The following UGT1A5 variants were observed in gnomAD, a reference collection of about 807,000 sequenced individuals.
The protein encoded by UGT1A5 is UDP-glucuronosyltransferase 1A5.
A neutral mutation model predicts 40.3 loss-of-function variants in UGT1A5; 29 were observed. The ratio of observed to expected loss-of-function variants is 0.72; its 90% CI spans 0.54 to 0.98. UGT1A5 has a LOEUF of 0.98. Ranked by LOEUF, UGT1A5 falls within the 50% of genes least tolerant of loss-of-function variation. The pLI, the probability that UGT1A5 is intolerant of heterozygous loss-of-function variation, is 0.00. For synonymous variants in UGT1A5, 257 were observed against 262.5 expected, an observed-to-expected ratio of 0.98 and a Z score of 0.20; for missense variants, 678 against 677.9, an observed-to-expected ratio of 1.00 and a Z score of 0.00.
intron 1 of UGT1A5, chr2:233,721,927 A>G: frequency 2.6e-6 from 1 of 391,754 alleles, no homozygotes. Context: ...ATAAAGTGAC[A>G]TCCTTCAGAC....
At position 233,714,761 on chromosome 2, in the gene UGT1A5, T is replaced by C. The variant is rs545127473; in HGVS notation, c.867+903T>C. Among the ~76,000 whole-genome samples, 4 of 152,384 alleles carry C rather than the reference T, an allele frequency of 2.6e-5. No homozygotes were observed. The East Asian group carries it at 7.7e-4, about 29-fold the overall frequency. ...TCTAGCATATATTTGACACTTACAG[T>C]ATATCTCAATTTGGAATAGCCACAT... On this transcript the variant is annotated intron_variant, in intron 1 of 4. Coordinates refer to ENST00000373414, the MANE Select transcript of UGT1A5 (RefSeq NM_019078.2).
In UGT1A5 at chr2:233,772,306, G is replaced by A. The variant is rs200370335; in HGVS notation, c.1352G>A (p.Arg451His). The change falls in exon 5 of 5, where the codon CGC (arginine) becomes CAC (histidine). Residue 451 changes from arginine (R) to histidine (H), a missense_variant. By Grantham distance (29) the Arg-to-His change is conservative. Coordinates refer to ENST00000373414, the MANE Select transcript of UGT1A5 (RefSeq NM_019078.2). ...CGCCTCTCCAGCCTTCACAAGGACC[G>A]CCCGGTGGAGCCGCTGGACCTGGCC... ...IMRLSSLHKD[R>H]PVEPLDLAVF... 2.7e-5 allele frequency: 44 copies of A among 1,614,208 alleles called. No individual in the cohort carries two copies. Among genetic ancestry groups the A allele is most frequent in the Middle Eastern group, 3.3e-4 (2 of 6,062 alleles).
intron 1 of UGT1A5, chr2:233,730,082 T>C (rs1479796808): frequency 2.1e-5 from 33 of 1,603,816 alleles, no homozygotes; most frequent in Non-Finnish European, 2.4e-5. Flanking sequence ...CCATATTTAC[T>C]TATCTTTCCA....
chr2:233,714,260 AC>A (rs1294161130), intron 1 of UGT1A5, among the ~76,000 whole-genome samples: 1 of 152,230 alleles, frequency 6.6e-6, no homozygotes, highest in Non-Finnish European at 1.5e-5. Flanking sequence ...ATAGAAATTT[AC>A]AATTGTTGAC....
intron 2 of UGT1A5, 103 bp downstream of exon 2, chr2:233,767,268 G>C: frequency 6.3e-7 from 1 of 1,584,094 alleles, no homozygotes; most frequent in Non-Finnish European, 8.5e-7. Flanking sequence ...CCTTAGATTT[G>C]GCTTTTCCCT....
At chr2:233,731,543 TC>T (rs2078176266) in intron 1 of UGT1A5, among the ~76,000 whole-genome samples, 2 of 152,228 alleles carry the variant, frequency 1.3e-5, no homozygotes, top group South Asian at 4.1e-4. Context: ...TGTTTGGTTT[TC>T]TGTCCATGTG....
intron 1 of UGT1A5, chr2:233,760,103 T>C: frequency 1.7e-6 from 2 of 1,163,022 alleles, no homozygotes; most frequent in Non-Finnish European, 2.3e-6. Context: ...TGTTGCCTAT[T>C]AAGAAACCTA....
rs577014868 is a variant in UGT1A5, at chr2:233,772,525, G to A, written c.1571G>A (p.Arg524Gln). 2.1e-5 allele frequency: 34 copies of A among 1,614,136 alleles called. 1 individual carries two copies. In the South Asian group the frequency reaches 2.9e-4, roughly 14 times the overall value. The stretch of plus-strand genomic sequence containing the variant: ...CGGAAATGCTTGGGGAAAAAAGGGC[G>A]AGTTAAGAAAGCCCACAAATCCAAG... ...GYRKCLGKKG[R>Q]VKKAHKSKTH The change falls in exon 5 of 5, where the codon CGA becomes CAA. Residue 524 changes from arginine (R) to glutamine (Q), a missense_variant. Transcript: ENST00000373414.
intron 1 of UGT1A5, among the ~76,000 whole-genome samples, chr2:233,726,089 C>T (rs567639330): frequency 3.9e-5 from 6 of 152,122 alleles, no homozygotes; most frequent in Non-Finnish European, 7.3e-5. Flanking sequence ...TTACTTGATC[C>T]GAGGAGGTGG....
At chr2:233,719,183 T>C (rs1190201786) in intron 1 of UGT1A5, 5 of 1,614,222 alleles carry the variant, frequency 3.1e-6, no homozygotes, top group Non-Finnish European at 4.2e-6. Flanking sequence ...ACAATGTATC[T>C]TTGGCCCTTC....
rs189834319 is a variant in UGT1A5, at chr2:233,769,760, C to T, written c.1307+1321C>T. On this transcript the variant is annotated intron_variant, in intron 4 of 4. Transcript: ENST00000373414. The surrounding 1 kb of genome is among the most constrained non-coding windows in gnomAD (Gnocchi z 4.4). ...GTCCCAGCCACTCTGGAGGCTAAGG[C>T]GGGAGGATTGCTTGAGCCCAGAAGT... The T allele has an allele frequency of 8.3e-4, 1,153 of 1,396,052 alleles. 4 individuals are homozygous for T. The African/African-American group carries it at 9.8e-3, about 12-fold the overall frequency. 86.5% of individuals were successfully genotyped at this position (1,396,052 alleles called of 1,614,324 possible).
At position 233,734,360 on chromosome 2, in the gene UGT1A5, C is replaced by T. The variant is rs565800937; in HGVS notation, c.867+20502C>T. Among the ~76,000 whole-genome samples the T allele has an allele frequency of 6.9e-4, 105 of 152,192 alleles. No individual in the cohort carries two copies. In the South Asian group the frequency reaches 0.014, roughly 20 times the overall value. ...ATGGTAGTTTGTATTTCTGTGGGAT[C>T]GGTGGTGATATTGCCTTTACTATTT... is the stretch of plus-strand genomic sequence containing the variant. On this transcript the variant is annotated intron_variant, in intron 1 of 4. Coordinates refer to ENST00000373414, the MANE Select transcript of UGT1A5 (RefSeq NM_019078.2).
At chr2:233,750,521 T>C (rs528794181) in intron 1 of UGT1A5, 1 of 151,984 alleles carries the variant, frequency 6.6e-6, no homozygotes, top group East Asian at 1.9e-4. Context: ...GCCAAGACAA[T>C]GGGGAAAATG....
chr2:233,729,600 G>A (rs751884181), intron 1 of UGT1A5: 13 of 1,613,992 alleles, frequency 8.1e-6, no homozygotes, highest in South Asian at 2.2e-5. Context: ...ACCTCTGCGC[G>A]GCAGTGCTGG....
In UGT1A5 at chr2:233,768,412, C is replaced by T. The variant is rs756044146; in HGVS notation, c.1280C>T (p.Ala427Val). The change falls in exon 4 of 5, where the codon GCT becomes GTT. Residue 427 changes from alanine to valine, a missense_variant. By Grantham distance (64) the Ala-to-Val change is moderately conservative. Transcript: ENST00000373414. The stretch of plus-strand genomic sequence containing the variant: ...ATGACTTCTGAAGATTTAGAAAATG[C>T]TCTAAAAGCAGTCATCAATGACAAA... ...LEMTSEDLEN[A>V]LKAVINDKSY... 8.1e-6 allele frequency: 13 copies of T among 1,614,062 alleles called. No homozygotes were observed. Among genetic ancestry groups the T allele is most frequent in the Non-Finnish European group, 1.1e-5 (13 of 1,180,014 alleles).
intron 1 of UGT1A5, chr2:233,717,684 G>A: frequency 2.3e-6 from 1 of 439,992 alleles, no homozygotes; most frequent in South Asian, 1.6e-5. Flanking sequence ...GCACATGTAG[G>A]AGTGACTTTC....
At chr2:233,726,314 C>T (rs1182823767) in intron 1 of UGT1A5, among the ~76,000 whole-genome samples, 1 of 152,162 alleles carries the variant, frequency 6.6e-6, no homozygotes, top group Non-Finnish European at 1.5e-5. Context: ...GATCATTGAG[C>T]TCAGGAGTTT....
chr2:233,760,535 T>G (rs1425697704), intron 1 of UGT1A5: 1 of 1,614,120 alleles, frequency 6.2e-7, no homozygotes, highest in African/African-American at 1.3e-5. Context: ...CCTGTGCCAT[T>G]CCAAAGGGAG....
intron 1 of UGT1A5, chr2:233,719,342 G>T (rs1239122112): frequency 6.2e-7 from 1 of 1,613,870 alleles, no homozygotes. Flanking sequence ...TTTTTTGGAG[G>T]TACATTCCAT....
Sources: gnomAD v4.1 joint callset for allele counts (sites outside exome capture counted in the v4.1 genomes callset) on GRCh38, gnomAD v4.1.1 for gene constraint, Gnocchi (gnomAD v3.1) non-coding constraint, MANE v1.5 for transcripts, NCBI Gene and HGNC (gene_info 2026-07-23, HGNC 2026-07-21) for gene names.